Variants in NCAM1 observed in about 807,000 individuals in gnomAD.
NCAM1 encodes neural cell adhesion molecule 1.
NCAM1 carries 14 observed loss-of-function variants against 109.8 expected under a neutral mutation model. The ratio of observed to expected loss-of-function variants is 0.13; its 90% CI spans 0.08 to 0.20. NCAM1 has a LOEUF of 0.20. Ranked by LOEUF, NCAM1 falls within the 10% of genes least tolerant of loss-of-function variation. The pLI, the probability that NCAM1 is intolerant of heterozygous loss-of-function variation, is 1.00. For synonymous variants in NCAM1, 418 were observed against 442.9 expected (o/e 0.94, Z 0.70); for missense variants, 774 against 1,109.9 (o/e 0.70, Z 4.30).
At position 113,198,402 on chromosome 11, in the gene NCAM1, T is replaced by TGC. The variant is rs577049514; in HGVS notation, c.53-3976_53-3975dup. ...TTTTTTTTTTTTTGAGATGGAGTCT[T>TGC]GCTCTGTCGCCCAGGCTGGAGTGCA... On this transcript the variant is annotated intron_variant, in intron 1 of 19. Coordinates refer to ENST00000316851, the MANE Select transcript of NCAM1 (RefSeq NM_181351.5). 1.8e-3 allele frequency among the ~76,000 whole-genome samples: 274 copies of TGC among 151,872 alleles called. 2 individuals carry two copies. Among genetic ancestry groups the TGC allele is most frequent in the African/African-American group, 6.2e-3 (255 of 41,428 alleles).
chr11:113,068,967 G>A (rs573963300), intron 1 of NCAM1, among the ~76,000 whole-genome samples: 2 of 152,138 alleles, frequency 1.3e-5, no homozygotes, highest in Non-Finnish European at 2.9e-5. Context: ...TGTGAGTAAC[G>A]TTTGTGCTAT....
At chr11:113,032,038 C>A (rs782815306) in intron 1 of NCAM1, among the ~76,000 whole-genome samples, 1 of 152,066 alleles carries the variant, frequency 6.6e-6, no homozygotes, top group South Asian at 2.1e-4. Context: ...ACCACCTGGG[C>A]TCAAGTGATC....
At chr11:113,190,299 G>A (rs1943637910) in intron 1 of NCAM1, among the ~76,000 whole-genome samples, 1 of 152,208 alleles carries the variant, frequency 6.6e-6, no homozygotes. Context: ...TACAGCGTGT[G>A]AAGACAGGAG....
At chr11:112,997,482 T>G (rs1313171746) in intron 1 of NCAM1, among the ~76,000 whole-genome samples, 1 of 152,174 alleles carries the variant, frequency 6.6e-6, no homozygotes, top group Non-Finnish European at 1.5e-5. Flanking sequence ...AAAACTGCTC[T>G]GGGGACAGTG....
chr11:113,225,690 G>T (rs186924465), intron 9 of NCAM1, among the ~76,000 whole-genome samples: 1 of 152,326 alleles, frequency 6.6e-6, no homozygotes, highest in African/African-American at 2.4e-5. Flanking sequence ...GACAAAGGTC[G>T]GGTTACCCAC....
chr11:113,194,406 G>A (rs1223030882), intron 1 of NCAM1, among the ~76,000 whole-genome samples: 1 of 152,116 alleles, frequency 6.6e-6, no homozygotes, highest in African/African-American at 2.4e-5. Context: ...AGGGGTTAAG[G>A]AGAATTCTTA....
chr11:113,028,260 C>T (rs782683445), intron 1 of NCAM1, among the ~76,000 whole-genome samples: 6 of 152,060 alleles, frequency 3.9e-5, no homozygotes, highest in Middle Eastern at 3.4e-3. Context: ...CATTATACAA[C>T]GTATACATGT....
chr11:113,240,802 G>A (rs201335423), intron 14 of NCAM1: 318 of 1,612,988 alleles, frequency 2.0e-4, no homozygotes, highest in Middle Eastern at 6.6e-4. Context: ...CTGCTAGCTC[G>A]TCTACCCCTG....
At chr11:113,263,024 A>T (rs1946052301) in intron 17 of NCAM1, 1 of 1,524,108 alleles carries the variant, frequency 6.6e-7, no homozygotes, top group Non-Finnish European at 8.8e-7. Context: ...CCATGGCCAC[A>T]GCTGCTGAGC....
chr11:112,988,489 C>T (rs1951368936), intron 1 of NCAM1, among the ~76,000 whole-genome samples: 1 of 152,032 alleles, frequency 6.6e-6, no homozygotes, highest in South Asian at 2.1e-4. Flanking sequence ...TGAGCACTCT[C>T]AGTTTTTATT....
chr11:112,964,153 T>TG (rs1301502528), intron 1 of NCAM1, among the ~76,000 whole-genome samples: 4,355 of 14,552 alleles, frequency 0.3, 153 homozygotes, highest in Non-Finnish European at 0.36. Context: ...TTTTTTTTTT[T>TG]TGTTTTTTTT....
intron 1 of NCAM1, among the ~76,000 whole-genome samples, chr11:113,128,065 G>T (rs1177935017): frequency 6.6e-6 from 1 of 152,158 alleles, no homozygotes; most frequent in African/African-American, 2.4e-5. Context: ...TCTTGGCCTG[G>T]TCTTATATTT....
intron 2 of NCAM1, 79 bp from the exon 3 acceptor site, chr11:113,204,207 G>T: frequency 8.3e-7 from 1 of 1,204,734 alleles, no homozygotes; most frequent in South Asian, 1.5e-5. Flanking sequence ...AACTCTTACT[G>T]ATCAGCCACT....
intron 1 of NCAM1, among the ~76,000 whole-genome samples, chr11:113,186,720 A>C (rs1215000305): frequency 1.3e-5 from 2 of 152,170 alleles, no homozygotes; most frequent in East Asian, 3.9e-4. Flanking sequence ...GTCGCCCTCT[A>C]TTCTGTTCAG....
intron 1 of NCAM1, among the ~76,000 whole-genome samples, chr11:113,182,553 C>CAGA (rs1943365784): frequency 6.6e-6 from 1 of 152,190 alleles, no homozygotes; most frequent in Non-Finnish European, 1.5e-5. Context: ...CTCTTCATTG[C>CAGA]CACTCTATGA....
At chr11:113,205,159 T>C (rs1188034875) in intron 3 of NCAM1, among the ~76,000 whole-genome samples, 1 of 152,182 alleles carries the variant, frequency 6.6e-6, no homozygotes, top group African/African-American at 2.4e-5. Flanking sequence ...GACTGATGAT[T>C]CTTACTATTC....
intron 1 of NCAM1, among the ~76,000 whole-genome samples, chr11:113,019,244 T>C (rs1952309194): frequency 6.6e-6 from 1 of 152,182 alleles, no homozygotes; most frequent in Non-Finnish European, 1.5e-5. Context: ...ATTTAGGGAC[T>C]TGGCTTTACC....
Position 113,152,412 on chromosome 11 carries a change from C to T in NCAM1, c.53-49967C>T, listed in dbSNP as rs939748478. On this transcript the variant is annotated intron_variant, in intron 1 of 19. Transcript: ENST00000316851. ...AATCCCCTTGGCAACTTCTCTTTTC[C>T]AAGCCAATATATGAAACAAATCAGT... is the stretch of plus-strand genomic sequence containing the variant. Among the ~76,000 whole-genome samples, 6 of 152,336 alleles carry T rather than the reference C, an allele frequency of 3.9e-5. No homozygotes were observed. The East Asian group carries it at 1.2e-3, about 29-fold the overall frequency.
At chr11:112,994,395 T>C (rs985308051) in intron 1 of NCAM1, among the ~76,000 whole-genome samples, 4 of 152,234 alleles carry the variant, frequency 2.6e-5, no homozygotes, top group African/African-American at 9.6e-5. Flanking sequence ...CTCTGGAAAC[T>C]CATAGGATCT....
Sources: gnomAD v4.1 joint callset for allele counts (sites outside exome capture counted in the v4.1 genomes callset) on GRCh38, gnomAD v4.1.1 for gene constraint, MANE v1.5 for transcripts, NCBI Gene and HGNC (gene_info 2026-07-23, HGNC 2026-07-21) for gene names.